KLK3: variants seen among roughly 807,000 people sequenced by gnomAD.
KLK3 encodes the protein kallikrein related peptidase 3, also known as prostate-specific antigen.
In KLK3, 23 loss-of-function variants were observed where a neutral mutation model predicts 27.7. That is an observed-to-expected ratio of 0.83 (90% CI 0.60 to 1.17). KLK3 has a LOEUF of 1.17. Among genes scored for constraint, KLK3 ranks in the 50% most tolerant of loss-of-function variants. KLK3 has a pLI of 0.00. For synonymous variants in KLK3, 142 were observed against 134.2 expected (o/e 1.06, Z -0.40); for missense variants, 322 against 338.1 (o/e 0.95, Z 0.37).
Position 50,858,086 on chromosome 19 carries a change from G to T in KLK3, c.264G>T (p.Gln88His). Reference protein sequence around the residue: ...HSLFHPEDTGQVFQVSHSFPH... With the variant: ...HSLFHPEDTGHVFQVSHSFPH... The stretch of plus-strand genomic sequence containing the variant: ...TGTTTCATCCTGAAGACACAGGCCA[G>T]GTATTTCAGGTCAGCCACAGCTTCC... Residue 88 changes from glutamine to histidine, a missense_variant, in exon 3 of 5, where the codon CAG (glutamine) becomes CAT (histidine). Gln to His is a conservative substitution (Grantham distance 24). Transcript: ENST00000326003. The T allele has an allele frequency of 6.2e-7, 1 of 1,614,022 alleles. No individual in the cohort carries two copies.
intron 4 of KLK3, chr19:50,859,753 C>A: frequency 6.7e-7 from 1 of 1,491,564 alleles, no homozygotes; most frequent in South Asian, 1.3e-5. Context: ...AGGAGCTGGA[C>A]CCTGAAGTCC....
At chr19:50,858,389 G>A in intron 3 of KLK3, 70 bp from the exon 4 acceptor site, 2 of 1,607,506 alleles carry the variant, frequency 1.2e-6, no homozygotes, top group Admixed American at 1.7e-5. Context: ...AGGACTCCTA[G>A]GTCTGAGGGA....
chr19:50,858,427 A>T, intron 3 of KLK3, 32 bp from the exon 4 acceptor site: 1 of 1,613,674 alleles, frequency 6.2e-7, no homozygotes, highest in Non-Finnish European at 8.5e-7. Context: ...GGTGGGGTCC[A>T]GCCCACAACA....
intron 1 of KLK3, 99 bp downstream of exon 1, chr19:50,855,100 A>G (rs1167100713): frequency 4.0e-6 from 5 of 1,259,660 alleles, no homozygotes; most frequent in Non-Finnish European, 5.7e-6. Flanking sequence ...CAGCCCAGAC[A>G]GGGAGCTGGG....
Position 50,860,016 on chromosome 19 carries a change from T to TATCA in KLK3, c.676_679dup (p.Thr227AsnfsTer7). ...TTGTCTGTAATGGTGTGCTTCAAGG[T>TATCA]ATCACGTCATGGGGCAGTGAACCAT... is the stretch of plus-strand genomic sequence containing the variant. On this transcript the variant is annotated frameshift_variant, in exon 5 of 5. Coordinates refer to ENST00000326003, the MANE Select transcript of KLK3 (RefSeq NM_001648.2). LOFTEE classifies it high-confidence loss of function. 6.2e-7 allele frequency: 1 copy of TATCA among 1,614,076 alleles called. No individual in the cohort carries two copies. Among genetic ancestry groups the TATCA allele is most frequent in the Admixed American group, 1.7e-5 (1 of 60,014 alleles).
chr19:50,858,614 C>T lies in KLK3; in HGVS notation c.630+19C>T. The T allele has an allele frequency of 6.2e-7, 1 of 1,613,834 alleles. No homozygotes were observed. On this transcript the variant is annotated intron_variant, in intron 4 of 4. Coordinates refer to ENST00000326003, the MANE Select transcript of KLK3 (RefSeq NM_001648.2). Reference sequence around the variant, plus strand: ...CTGCTCGGTGAGTCATCCCTACTCCCAAGATCTTGAGGGGAAAGGTGAGTG... The same window carrying T: ...CTGCTCGGTGAGTCATCCCTACTCCTAAGATCTTGAGGGGAAAGGTGAGTG...
rs2090140908 is a variant in KLK3, at chr19:50,855,389, A to G, written c.46+388A>G. ...ACTGGTCCACCTCCTGAGCCCCTCA[A>G]TCCTATCACAGTCTACTGACTTTTC... On this transcript the variant is annotated intron_variant, in intron 1 of 4. Transcript: ENST00000326003. The G allele has an allele frequency of 3.2e-5, 7 of 215,480 alleles. No homozygotes were observed. In the South Asian group the frequency reaches 6.3e-4, roughly 19 times the overall value. The allele number at this position is 215,480 out of a possible 1,614,324, so 13.3% of individuals were successfully genotyped here. A position where few individuals can be genotyped will look rare whatever the true frequency, so the allele number is the denominator to read the frequency against.
At chr19:50,857,958 C>T (rs1458508596) in intron 2 of KLK3, 71 bp from the exon 3 acceptor site, 2 of 1,476,136 alleles carry the variant, frequency 1.4e-6, no homozygotes, top group Admixed American at 2.0e-5. Flanking sequence ...GAGCCTCCTC[C>T]TTGCTCCTCT....
rs1380823343 is a variant in KLK3, at chr19:50,860,130, A to G, written c.*3A>G. ...ACACCATCGTGGCCAACCCCTGAGC[A>G]CCCCTATCAACCCCCTATTGTAGTA... On this transcript the variant is annotated 3_prime_UTR_variant, in exon 5 of 5. Coordinates refer to ENST00000326003, the MANE Select transcript of KLK3 (RefSeq NM_001648.2). 6.2e-7 allele frequency: 1 copy of G among 1,601,988 alleles called. No homozygotes were observed. The highest frequency in any genetic ancestry group is 1.3e-5 in the African/African-American group (1 of 74,636).
chr19:50,854,967 G>A lies in KLK3; in HGVS notation c.12G>A (p.Pro4=), dbSNP rs375104394. ...AGAGCTGTGTCACCATGTGGGTCCC[G>A]GTTGTCTTCCTCACCCTGTCCGTGA... MWV[P]VVFLTLSVTW... The change falls in exon 1 of 5, where the codon CCG becomes CCA. Residue 4 remains proline, a synonymous_variant. Transcript: ENST00000326003. 28 of 1,613,678 alleles carry A rather than the reference G, an allele frequency of 1.7e-5. No individual in the cohort carries two copies. The highest frequency in any genetic ancestry group is 6.7e-5 in the Admixed American group (4 of 59,982).
At chr19:50,858,915 C>A (rs1051447013) in intron 4 of KLK3, 2 of 487,864 alleles carry the variant, frequency 4.1e-6, no homozygotes, top group Non-Finnish European at 7.2e-6. Flanking sequence ...CTGTAGCCCC[C>A]AAGCCAGTGA....
At chr19:50,857,298 G>A (rs2090156044) in intron 2 of KLK3, 1 of 152,508 alleles carries the variant, frequency 6.6e-6, no homozygotes, top group Admixed American at 6.5e-5. Flanking sequence ...ACTCTTGGGA[G>A]ACACAGAGAA....
Position 50,860,192 on chromosome 19 carries a change from A to G in KLK3, c.*65A>G, listed in dbSNP as rs1058274. 0.31 allele frequency: 403,703 copies of G among 1,295,496 alleles called. 65,254 individuals are homozygous for G. Among genetic ancestry groups the G allele is most frequent in the Non-Finnish European group, 0.34 (308,922 of 911,274 alleles). 80.3% of individuals were successfully genotyped at this position (1,295,496 alleles called of 1,614,324 possible). On this transcript the variant is annotated 3_prime_UTR_variant, in exon 5 of 5. Coordinates refer to ENST00000326003, the MANE Select transcript of KLK3 (RefSeq NM_001648.2). Reference sequence around the variant, plus strand: ...TTGGAAATGACCAGGCCAAGACTCAAGCCTCCCCAGTTCTACTGACCTTTG... The same window carrying G: ...TTGGAAATGACCAGGCCAAGACTCAGGCCTCCCCAGTTCTACTGACCTTTG...
chr19:50,859,531 G>T, intron 4 of KLK3: 1 of 1,611,750 alleles, frequency 6.2e-7, no homozygotes, highest in Non-Finnish European at 8.5e-7. Context: ...TACCCACAGT[G>T]GGTCATTCTG....
In KLK3 at chr19:50,860,050, C is replaced by T; in HGVS notation, c.709C>T (p.Pro237Ser). The T allele has an allele frequency of 1.2e-6, 2 of 1,614,108 alleles. No homozygotes were observed. The highest frequency in any genetic ancestry group is 1.7e-6 in the Non-Finnish European group (2 of 1,179,972). Residue 237 changes from proline (P) to serine (S), a missense_variant, in exon 5 of 5, where the codon CCC (proline) becomes TCC (serine). Transcript: ENST00000326003. ...TSWGSEPCAL[P>S]ERPSLYTKVV... is the part of the protein sequence containing the mutation. ...ATGGGGCAGTGAACCATGTGCCCTG[C>T]CCGAAAGGCCTTCCCTGTACACCAA...
rs572690444 is a variant in KLK3, at chr19:50,860,327, T to C, written c.*200T>C. 4.8e-5 allele frequency: 24 copies of C among 496,512 alleles called. No homozygotes were observed. Among genetic ancestry groups the C allele is most frequent in the Non-Finnish European group, 5.8e-5 (16 of 275,106 alleles). The allele number at this position is 496,512 out of a possible 1,614,324, so 30.8% of individuals were successfully genotyped here. On this transcript the variant is annotated 3_prime_UTR_variant, in exon 5 of 5. Coordinates refer to ENST00000326003, the MANE Select transcript of KLK3 (RefSeq NM_001648.2). Reference sequence around the variant, plus strand: ...TTTGTCCTCTCTGTGTCCTGGGGAATACTGGCCATGCCTGGAGACATATCA... The same window carrying C: ...TTTGTCCTCTCTGTGTCCTGGGGAACACTGGCCATGCCTGGAGACATATCA...
chr19:50,859,008 G>A, intron 4 of KLK3: 2 of 310,046 alleles, frequency 6.5e-6, no homozygotes, highest in South Asian at 9.4e-5. Flanking sequence ...GAGGGAGAAG[G>A]GGTGGGGAGT....
At position 50,858,352 on chromosome 19, in the gene KLK3, A is replaced by G. The variant is rs748486972; in HGVS notation, c.493+37A>G. 52 of 1,604,502 alleles carry G rather than the reference A, an allele frequency of 3.2e-5. 1 individual carries two copies. The South Asian group carries it at 5.8e-4, about 18-fold the overall frequency. ...CCAGATGGTGCAGCCGGGAGCCCAG[A>G]TGCCTGGGTCTGAGGGAGGAGGGGA... On this transcript the variant is annotated intron_variant, in intron 3 of 4. Transcript: ENST00000326003.
Position 50,858,295 on chromosome 19 carries a change from G to A in KLK3, c.473G>A (p.Gly158Asp). The A allele has an allele frequency of 1.2e-6, 2 of 1,613,796 alleles. No homozygotes were observed. Among genetic ancestry groups the A allele is most frequent in the Middle Eastern group, 1.7e-4 (1 of 6,060 alleles). The part of the protein sequence containing the change: ...LGTTCYASGW[G>D]SIEPEEFLTP... ...ACCACCTGCTACGCCTCAGGCTGGG[G>A]CAGCATTGAACCAGAGGAGTGTACG... The change falls in exon 3 of 5, where the codon GGC (glycine) becomes GAC (aspartate). Residue 158 changes from glycine to aspartate, a missense_variant. Physicochemically the swap from Gly to Asp is moderately conservative, Grantham distance 94. Transcript: ENST00000326003.
Sources: allele counts gnomAD v4.1 joint callset, GRCh38; gene constraint gnomAD v4.1.1; transcripts MANE v1.5; gene names NCBI Gene and HGNC (gene_info 2026-07-23, HGNC 2026-07-21).